The following MTUS1 variants were observed in gnomAD, a reference collection of about 807,000 sequenced individuals.
MTUS1 encodes the protein microtubule associated scaffold protein 1.
A neutral mutation model predicts 120.8 loss-of-function variants in MTUS1; 109 were observed. The ratio of observed to expected loss-of-function variants is 0.90; its 90% CI spans 0.77 to 1.06. The LOEUF is 1.06. Ranked by LOEUF, MTUS1 falls within the 50% of genes least tolerant of loss-of-function variation. The pLI is 0.00. For missense variants in MTUS1, 2,210 were observed against 1,486.3 expected, an observed-to-expected ratio of 1.49 and a Z score of -8.01; for synonymous variants, 737 against 550.5, an observed-to-expected ratio of 1.34 and a Z score of -4.74.
chr8:17,751,932 T>C (rs549460803), intron 2 of MTUS1, among the ~76,000 whole-genome samples: 4 of 144,626 alleles, frequency 2.8e-5, no homozygotes, highest in East Asian at 2.0e-4. Context: ...TTGATAAGCA[T>C]ATGCGAATAT....
intron 4 of MTUS1, among the ~76,000 whole-genome samples, chr8:17,720,352 AAAAAAAC>A (rs1333452073): frequency 2.2e-4 from 34 of 152,026 alleles, no homozygotes; most frequent in Non-Finnish European, 4.4e-4. Context: ...TCTAAAAAAA[AAAAAAAC>A]AAAAAACAAA....
intron 8 of MTUS1, among the ~76,000 whole-genome samples, chr8:17,657,113 TTGAG>T (rs1378181590): frequency 1.3e-5 from 2 of 150,826 alleles, no homozygotes; most frequent in Non-Finnish European, 3.0e-5. Context: ...TGTAGTTAAT[TTGAG>T]TTGATTATAA....
intron 1 of MTUS1, among the ~76,000 whole-genome samples, chr8:17,794,120 G>C (rs2052023285): frequency 6.6e-6 from 1 of 152,230 alleles, no homozygotes; most frequent in Middle Eastern, 3.4e-3. Context: ...CTGAGGTCAG[G>C]AGTTCGAGAC....
intron 6 of MTUS1, among the ~76,000 whole-genome samples, chr8:17,691,645 C>G (rs1271608743): frequency 1.3e-5 from 2 of 151,914 alleles, no homozygotes; most frequent in Admixed American, 1.3e-4. Context: ...CTTTTGATTT[C>G]TTCTACATTC....
intron 1 of MTUS1, among the ~76,000 whole-genome samples, chr8:17,763,889 G>C (rs2049249673): frequency 6.6e-6 from 1 of 152,176 alleles, no homozygotes; most frequent in Admixed American, 6.5e-5. Context: ...AATCCTTCAT[G>C]TTCTTATGTG....
intron 1 of MTUS1, among the ~76,000 whole-genome samples, chr8:17,771,720 C>A (rs1373322547): frequency 1.3e-5 from 2 of 152,194 alleles, no homozygotes; most frequent in Admixed American, 1.3e-4. Context: ...ACAACTCTTA[C>A]AACAAAGACA....
At chr8:17,660,179 C>A (rs1809368729) in intron 8 of MTUS1, among the ~76,000 whole-genome samples, 1 of 152,082 alleles carries the variant, frequency 6.6e-6, no homozygotes, top group South Asian at 2.1e-4. Flanking sequence ...TCGAGACCAG[C>A]CTGGCCAACA....
Position 17,657,546 on chromosome 8 carries a change from C to T in MTUS1, c.2906-1481G>A, listed in dbSNP as rs560555138. 2.2e-3 allele frequency among the ~76,000 whole-genome samples: 320 copies of T among 148,076 alleles called. 1 individual carries two copies. Among genetic ancestry groups the T allele is most frequent in the Admixed American group, 4.9e-3 (72 of 14,754 alleles). On this transcript the variant is annotated intron_variant, in intron 8 of 14. Coordinates refer to ENST00000693296, the MANE Select transcript of MTUS1 (RefSeq NM_001363059.2). Reference sequence around the variant, plus strand: ...TCCCGCCACTGCACTCCAGCCTGGGCGACAGAGAGAGACTCCGTCTCAAAA... The same window carrying T: ...TCCCGCCACTGCACTCCAGCCTGGGTGACAGAGAGAGACTCCGTCTCAAAA...
intron 7 of MTUS1, among the ~76,000 whole-genome samples, chr8:17,682,839 CT>C (rs1471046148): frequency 6.6e-6 from 1 of 152,150 alleles, no homozygotes; most frequent in African/African-American, 2.4e-5. Flanking sequence ...TGATTCCTTT[CT>C]TACAAATGAA....
Position 17,753,807 on chromosome 8 carries a change from C to G in MTUS1, c.2001G>C (p.Lys667Asn), listed in dbSNP as rs1312636899. Residue 667 changes from lysine to asparagine, a missense_variant, in exon 2 of 15, where the codon AAG becomes AAC. Lys to Asn is a moderately conservative substitution (Grantham distance 94). Transcript: ENST00000693296. ...PNIDRISPEK[K>N]GEKENGTSME... is the part of the protein sequence containing the mutation. The stretch of plus-strand genomic sequence containing the variant: ...TAGATGTCCCATTTTCTTTTTCACC[C>G]TTCTTTTCAGGGCTAATCCTATCAA... 6.2e-7 allele frequency: 1 copy of G among 1,613,874 alleles called. No individual in the cohort carries two copies. Among genetic ancestry groups the G allele is most frequent in the South Asian group, 1.1e-5 (1 of 90,920 alleles).
chr8:17,799,160 C>G (rs1178239749), intron 1 of MTUS1, among the ~76,000 whole-genome samples: 2 of 152,098 alleles, frequency 1.3e-5, no homozygotes, highest in African/African-American at 4.8e-5. Context: ...AGGAGATCTT[C>G]CAACCATCAA....
At chr8:17,785,060 C>G (rs1296820708) in intron 1 of MTUS1, among the ~76,000 whole-genome samples, 1 of 152,142 alleles carries the variant, frequency 6.6e-6, no homozygotes, top group Non-Finnish European at 1.5e-5. Flanking sequence ...GCTGGGATTA[C>G]AGGTGTGATC....
At chr8:17,665,494 C>T (rs1168269343) in intron 8 of MTUS1, among the ~76,000 whole-genome samples, 3 of 148,542 alleles carry the variant, frequency 2.0e-5, no homozygotes, top group African/African-American at 7.4e-5. Context: ...ATGGAAATAA[C>T]GGAGCTGGAT....
intron 3 of MTUS1, among the ~76,000 whole-genome samples, chr8:17,732,299 G>C (rs1212353918): frequency 5.3e-5 from 8 of 152,182 alleles, no homozygotes; most frequent in Admixed American, 3.9e-4. Context: ...CCACTGGTTG[G>C]GTTTTCTGTC....
chr8:17,727,242 G>A (rs1276599473), intron 3 of MTUS1, among the ~76,000 whole-genome samples: 1 of 152,210 alleles, frequency 6.6e-6, no homozygotes, highest in East Asian at 1.9e-4. Context: ...TCCTAACAGT[G>A]TGTGACTATT....
intron 1 of MTUS1, among the ~76,000 whole-genome samples, chr8:17,787,981 C>A (rs1039984934): frequency 2.6e-5 from 4 of 152,058 alleles, no homozygotes; most frequent in African/African-American, 9.7e-5. Context: ...ATTAGCTGGG[C>A]GTGGTGGTGG....
chr8:17,767,700 T>TAAGAAA lies in MTUS1; in HGVS notation c.-154-11740_-154-11739insTTTCTT, dbSNP rs1554533204. On this transcript the variant is annotated intron_variant, in intron 1 of 14. Coordinates refer to ENST00000693296, the MANE Select transcript of MTUS1 (RefSeq NM_001363059.2). ...GGTGATAGAGCAAGACCCTGTCTCT[T>TAAGAAA]AAAAAAAAAAAAAAAAAACGGTGTG... Among the ~76,000 whole-genome samples the TAAGAAA allele has an allele frequency of 2.0e-4, 18 of 87,886 alleles. 2 individuals carry two copies. Among genetic ancestry groups the TAAGAAA allele is most frequent in the African/African-American group, 9.2e-4 (18 of 19,628 alleles). 57.7% of individuals were successfully genotyped at this position (87,886 alleles called of 152,430 possible).
intron 2 of MTUS1, among the ~76,000 whole-genome samples, chr8:17,751,908 G>T (rs116462546): frequency 2.0e-5 from 3 of 146,362 alleles, no homozygotes; most frequent in African/African-American, 7.5e-5. Context: ...AGAAAAAAGA[G>T]TCCCTTATGC....
rs1212507572 is a variant in MTUS1 at position 17,689,187 on chromosome 8, G to A, written c.2624-4645C>T. Among the ~76,000 whole-genome samples the A allele has an allele frequency of 2.0e-5, 3 of 152,168 alleles. No individual in the cohort carries two copies. In the East Asian group the frequency reaches 5.8e-4, roughly 29 times the overall value. ...GATCACGCCACTGCACTCCAGCCTG[G>A]GTGACAGAGCAAGACTCCGTTCTCA... On this transcript the variant is annotated intron_variant, in intron 6 of 14. Coordinates refer to ENST00000693296, the MANE Select transcript of MTUS1 (RefSeq NM_001363059.2).
Sources: allele counts gnomAD v4.1 joint callset (sites outside exome capture counted in the v4.1 genomes callset), GRCh38; gene constraint gnomAD v4.1.1; transcripts MANE v1.5; gene names NCBI Gene and HGNC (gene_info 2026-07-23, HGNC 2026-07-21).